Variants in COL12A1 observed in about 807,000 individuals in gnomAD.
The protein encoded by COL12A1 is collagen alpha-1(XII) chain.
COL12A1 carries 114 observed loss-of-function variants against 349.7 expected under a neutral mutation model. That is an observed-to-expected ratio of 0.33 (90% CI 0.28 to 0.38). The LOEUF (loss-of-function observed/expected upper bound fraction) is 0.38, where lower values mean the gene tolerates loss of function less well. COL12A1 is among the 10% of genes least tolerant of loss of function. COL12A1 has a pLI of 1.00. For synonymous variants in COL12A1, 1,369 were observed against 1,329.0 expected (o/e 1.03, Z -0.66); for missense variants, 3,284 against 3,756.9 (o/e 0.87, Z 3.29).
chr6:75,141,660 G>T (rs556613058), intron 27 of COL12A1, among the ~76,000 whole-genome samples: 1 of 152,150 alleles, frequency 6.6e-6, no homozygotes, highest in Non-Finnish European at 1.5e-5. Flanking sequence ...AACACTTCAC[G>T]TATAGTAAAA....
chr6:75,097,354 T>G (rs1455084334), intron 58 of COL12A1, 48 bp from the exon 59 acceptor site: 2 of 1,517,982 alleles, frequency 1.3e-6, no homozygotes, highest in Admixed American at 3.4e-5. Context: ...CATAAGCAAG[T>G]GAAAAGAAAA....
chr6:75,201,700 G>A (rs1770538897), intron 2 of COL12A1, among the ~76,000 whole-genome samples: 1 of 152,070 alleles, frequency 6.6e-6, no homozygotes, highest in South Asian at 2.1e-4. Context: ...AATTTGTCAG[G>A]TCTCCAGTGA....
At chr6:75,189,458 C>A in intron 6 of COL12A1, 77 bp from the exon 7 acceptor site, 1 of 1,571,250 alleles carries the variant, frequency 6.4e-7, no homozygotes, top group Non-Finnish European at 8.6e-7. Flanking sequence ...TGAACAATGT[C>A]AAAAATATTT....
intron 49 of COL12A1, 110 bp from the exon 50 acceptor site, chr6:75,113,854 A>T: frequency 1.2e-6 from 1 of 856,180 alleles, no homozygotes; most frequent in Non-Finnish European, 1.7e-6. Flanking sequence ...AAATCTTTGC[A>T]CCAGAATCTC....
At chr6:75,172,420 G>T (rs959565499) in intron 13 of COL12A1, among the ~76,000 whole-genome samples, 4 of 152,020 alleles carry the variant, frequency 2.6e-5, no homozygotes, top group African/African-American at 9.7e-5. Flanking sequence ...AGGCTAAAAG[G>T]CACAACCAGA....
At chr6:75,097,349 G>A (rs1162078394) in intron 58 of COL12A1, 43 bp from the exon 59 acceptor site, 5 of 1,541,448 alleles carry the variant, frequency 3.2e-6, no homozygotes, top group South Asian at 2.3e-5. Context: ...GAGGTCATAA[G>A]CAAGTGAAAA....
chr6:75,177,101 AT>A (rs1329299954), intron 12 of COL12A1, among the ~76,000 whole-genome samples: 1 of 152,156 alleles, frequency 6.6e-6, no homozygotes, highest in Non-Finnish European at 1.5e-5. Context: ...TAATAATATT[AT>A]TTTTAAAAGA....
intron 14 of COL12A1, among the ~76,000 whole-genome samples, chr6:75,161,200 A>G (rs1248989739): frequency 6.6e-6 from 1 of 152,152 alleles, no homozygotes; most frequent in African/African-American, 2.4e-5. Context: ...CATGGAGAGG[A>G]TGTGCAAACT....
At position 75,189,541 on chromosome 6, in the gene COL12A1, G is replaced by A. The variant is rs1384523833; in HGVS notation, c.658+11C>T. The A allele has an allele frequency of 5.0e-6, 8 of 1,605,000 alleles. No homozygotes were observed. Among genetic ancestry groups the A allele is most frequent in the Non-Finnish European group, 6.8e-6 (8 of 1,176,006 alleles). On this transcript the variant is annotated intron_variant, in intron 6 of 65. Coordinates refer to ENST00000322507, the MANE Select transcript of COL12A1 (RefSeq NM_004370.6). The stretch of plus-strand genomic sequence containing the variant: ...TTTATTTTTAACTTTAAAAAAATCT[G>A]TAGAACATACCTGTCATTGTGTTGC...
In COL12A1 at chr6:75,151,656, T is replaced by A. The variant is rs553638059; in HGVS notation, c.4000+211A>T. ...ATTAATACCACATTTTTCTTCTTGATCTATTAATTTTCGTTTAAGAAACCA... is the reference window on the plus strand; with the variant it reads ...ATTAATACCACATTTTTCTTCTTGAACTATTAATTTTCGTTTAAGAAACCA... On this transcript the variant is annotated intron_variant, in intron 20 of 65. Coordinates refer to ENST00000322507, the MANE Select transcript of COL12A1 (RefSeq NM_004370.6). 1.8e-4 allele frequency among the ~76,000 whole-genome samples: 28 copies of A among 152,244 alleles called. No individual in the cohort carries two copies. In the South Asian group the frequency reaches 3.9e-3, roughly 21 times the overall value.
In COL12A1 at chr6:75,142,103, A is replaced by G. The variant is rs1346777181; in HGVS notation, c.4886T>C (p.Leu1629Ser). Reference sequence around the variant, plus strand: ...TACTGCAGAAACGCTGACTGTGTACAAGGTCTGTGAGAAGAGGTCTTTGAG... The same window carrying G: ...TACTGCAGAAACGCTGACTGTGTACGAGGTCTGTGAGAAGAGGTCTTTGAG... Reference protein sequence around the residue: ...TSLKDLFSQTLYTVSVSAVHD... With the variant: ...TSLKDLFSQTSYTVSVSAVHD... The change falls in exon 27 of 66, where the codon TTG becomes TCG. Residue 1629 changes from leucine to serine, a missense_variant. By Grantham distance (145) the Leu-to-Ser change is moderately radical (BLOSUM62 -2). Transcript: ENST00000322507. The G allele has an allele frequency of 6.2e-7, 1 of 1,614,122 alleles. No homozygotes were observed. Among genetic ancestry groups the G allele is most frequent in the South Asian group, 1.1e-5 (1 of 91,082 alleles).
chr6:75,202,580 G>T, intron 2 of COL12A1, 140 bp downstream of exon 2: 1 of 778,338 alleles, frequency 1.3e-6, no homozygotes, highest in Non-Finnish European at 2.1e-6. Flanking sequence ...AGAAAGGGGC[G>T]TTTCTCTGAA....
rs1582083331 is a variant in COL12A1 at position 75,121,542 on chromosome 6, A to G, written c.6947-101T>C. On this transcript the variant is annotated intron_variant, in intron 43 of 65. Coordinates refer to ENST00000322507, the MANE Select transcript of COL12A1 (RefSeq NM_004370.6). ...TGCAATATAACACCTTGCTACGCAA[A>G]GTGTGGTTCTGCAGCAACAGCACTG... 16 of 1,332,602 alleles carry G rather than the reference A, an allele frequency of 1.2e-5. No homozygotes were observed. In the East Asian group the frequency reaches 3.4e-4, roughly 29 times the overall value. 82.5% of individuals were successfully genotyped at this position (1,332,602 alleles called of 1,614,324 possible).
rs767851435 is a variant in COL12A1 at position 75,151,293 on chromosome 6, A to G, written c.4001-6T>C. 8 of 1,612,010 alleles carry G rather than the reference A, an allele frequency of 5.0e-6. No homozygotes were observed. The highest frequency in any genetic ancestry group is 1.7e-4 in the Middle Eastern group (1 of 6,044). ...TTCATCAGCATTTTTAATACCTTCA[A>G]AAACGGATATATACAAATTAAAAGC... On this transcript the variant is annotated splice_region_variant and splice_polypyrimidine_tract_variant and intron_variant, in intron 20 of 65. Transcript: ENST00000322507.
chr6:75,143,241 C>T lies in COL12A1; in HGVS notation c.4827+11G>A. The T allele has an allele frequency of 6.2e-7, 1 of 1,613,476 alleles. No individual in the cohort carries two copies. The highest frequency in any genetic ancestry group is 8.5e-7 in the Non-Finnish European group (1 of 1,179,804). ...CAAATATTTTCATATCTACTATCAT[C>T]TTCAACCTACCTCTTTGACATCCTC... On this transcript the variant is annotated intron_variant, in intron 26 of 65. Transcript: ENST00000322507.
At chr6:75,094,221 C>T (rs562518078) in intron 60 of COL12A1, among the ~76,000 whole-genome samples, 4 of 151,860 alleles carry the variant, frequency 2.6e-5, no homozygotes, top group East Asian at 1.9e-4. Flanking sequence ...TTTTTTAACT[C>T]GGGTTTGTAA....
chr6:75,086,650 AT>A, intron 65 of COL12A1, 93 bp from the exon 66 acceptor site: 1 of 27,336 alleles, frequency 3.7e-5, no homozygotes, highest in Non-Finnish European at 1.8e-4. Flanking sequence ...TGGTTAAAGT[AT>A]ATATATATAT....
intron 13 of COL12A1, among the ~76,000 whole-genome samples, chr6:75,172,003 C>T (rs927106368): frequency 2.6e-5 from 4 of 152,194 alleles, no homozygotes; most frequent in African/African-American, 9.7e-5. Flanking sequence ...TAGGAATTAA[C>T]TGTATTTTTT....
In COL12A1 at chr6:75,138,996, G is replaced by T. The variant is rs373632817; in HGVS notation, c.4958-35C>A. ...GAAAAGGCAAGCAGACTAAGTTTTT[G>T]AATGTGAGCTGCAAATGCAATTTAA... On this transcript the variant is annotated intron_variant, in intron 27 of 65. Coordinates refer to ENST00000322507, the MANE Select transcript of COL12A1 (RefSeq NM_004370.6). 25 of 1,609,110 alleles carry T rather than the reference G, an allele frequency of 1.6e-5. No homozygotes were observed. The African/African-American group carries it at 3.0e-4, about 19-fold the overall frequency.
Sources: allele counts gnomAD v4.1 joint callset (sites outside exome capture counted in the v4.1 genomes callset), GRCh38; gene constraint gnomAD v4.1.1; transcripts MANE v1.5; gene names NCBI Gene and HGNC (gene_info 2026-07-23, HGNC 2026-07-21).